The following ELOVL5 variants were observed in gnomAD, a reference collection of about 807,000 sequenced individuals.
ELOVL5 encodes the protein very long chain fatty acid elongase 5.
In ELOVL5, 8 loss-of-function variants were observed where a neutral mutation model predicts 38.6. That is an observed-to-expected ratio of 0.21 (90% CI 0.12 to 0.37). ELOVL5 has a LOEUF of 0.37. Ranked by LOEUF, ELOVL5 falls within the 10% of genes least tolerant of loss-of-function variation. ELOVL5 has a pLI of 1.00. For synonymous variants in ELOVL5, 127 were observed against 133.7 expected (o/e 0.95, Z 0.34); for missense variants, 280 against 367.8 (o/e 0.76, Z 1.95).
chr6:53,323,603 A>G (rs552072168), intron 1 of ELOVL5, among the ~76,000 whole-genome samples: 2 of 59,816 alleles, frequency 3.3e-5, no homozygotes, highest in South Asian at 5.7e-4. Flanking sequence ...TTTTTTTGAG[A>G]CGGAGTTTTG....
intron 1 of ELOVL5, among the ~76,000 whole-genome samples, chr6:53,302,564 C>A (rs1007220810): frequency 1.3e-5 from 2 of 152,048 alleles, no homozygotes; most frequent in African/African-American, 4.8e-5. Context: ...GAGAGAGTGA[C>A]AAAGCTGCCC....
chr6:53,268,879 CT>C lies in ELOVL5; in HGVS notation c.*247del. Reference sequence around the variant, plus strand: ...AATAAGGCAACAGCAGTGTTGTATACTATAATAATACTCCCTTTCCACAGTC... The same window carrying C: ...AATAAGGCAACAGCAGTGTTGTATACATAATAATACTCCCTTTCCACAGTC... On this transcript the variant is annotated 3_prime_UTR_variant, in exon 8 of 8. Coordinates refer to ENST00000304434, the MANE Select transcript of ELOVL5 (RefSeq NM_021814.5). 1 of 368,984 alleles carries C rather than the reference CT, an allele frequency of 2.7e-6. No individual in the cohort carries two copies. Among genetic ancestry groups the C allele is most frequent in the Non-Finnish European group, 4.9e-6 (1 of 204,862 alleles). 22.9% of individuals were successfully genotyped at this position (368,984 alleles called of 1,614,324 possible).
intron 1 of ELOVL5, among the ~76,000 whole-genome samples, chr6:53,345,137 T>C (rs1414381535): frequency 2.6e-5 from 4 of 152,180 alleles, no homozygotes; most frequent in African/African-American, 9.7e-5. Flanking sequence ...TCAATCACCT[T>C]AAGGTAAAGG....
chr6:53,304,011 T>C (rs1323509795), intron 1 of ELOVL5, among the ~76,000 whole-genome samples: 1 of 152,236 alleles, frequency 6.6e-6, no homozygotes, highest in African/African-American at 2.4e-5. Flanking sequence ...TCATTTAGTA[T>C]ACAGCAACTT....
intron 1 of ELOVL5, 51 bp from the exon 2 acceptor site, chr6:53,295,758 A>T (rs1273227665): frequency 8.7e-7 from 1 of 1,146,314 alleles, no homozygotes; most frequent in African/African-American, 1.6e-5. Context: ...AATGTTTTTT[A>T]TACAGTATTT....
intron 2 of ELOVL5, among the ~76,000 whole-genome samples, chr6:53,292,742 G>A (rs1267957701): frequency 6.6e-6 from 1 of 152,226 alleles, no homozygotes; most frequent in Admixed American, 6.5e-5. Context: ...AGTGAGCTGA[G>A]ATCGTACCAC....
intron 1 of ELOVL5, among the ~76,000 whole-genome samples, chr6:53,321,139 G>A (rs1386240113): frequency 6.6e-6 from 1 of 152,206 alleles, no homozygotes; most frequent in African/African-American, 2.4e-5. Flanking sequence ...TACGTAAGAT[G>A]TTCTGTTGGG....
chr6:53,292,106 T>C (rs1211218451), intron 2 of ELOVL5, 143 bp from the exon 3 acceptor site: 11 of 511,018 alleles, frequency 2.2e-5, no homozygotes, highest in East Asian at 9.3e-5. Flanking sequence ...AGAGGAGGCA[T>C]GGATTTTCAA....
At chr6:53,305,602 G>A (rs34101263) in intron 1 of ELOVL5, among the ~76,000 whole-genome samples, 48,899 of 146,542 alleles carry the variant, frequency 0.33, 8,662 homozygotes, top group African/African-American at 0.46. Context: ...CATCTCAGAC[G>A]ATGGGCGGCC....
chr6:53,300,739 G>A (rs1002472426), intron 1 of ELOVL5, among the ~76,000 whole-genome samples: 17 of 152,132 alleles, frequency 1.1e-4, no homozygotes, highest in African/African-American at 3.4e-4. Flanking sequence ...CCTCCACTCC[G>A]TCTGGTGCCC....
At chr6:53,292,757 C>T (rs539882602) in intron 2 of ELOVL5, among the ~76,000 whole-genome samples, 34 of 152,262 alleles carry the variant, frequency 2.2e-4, no homozygotes, top group African/African-American at 7.5e-4. Flanking sequence ...TACCACTGCA[C>T]CCCAGCGTGG....
In ELOVL5 at chr6:53,270,503, A is replaced by G. The variant is rs1304383412; in HGVS notation, c.756+90T>C. On this transcript the variant is annotated intron_variant, in intron 7 of 7. Coordinates refer to ENST00000304434, the MANE Select transcript of ELOVL5 (RefSeq NM_021814.5). ...TAGAGGCCAGAGCCTGTCACCCAGC[A>G]AGGGCTCCACATGCCCATTAAGTAA... The G allele has an allele frequency of 2.1e-6, 3 of 1,439,258 alleles. No individual in the cohort carries two copies. The African/African-American group carries it at 4.2e-5, about 20-fold the overall frequency. 89.2% of individuals were successfully genotyped at this position (1,439,258 alleles called of 1,614,324 possible).
chr6:53,323,605 G>A (rs1327569857), intron 1 of ELOVL5, among the ~76,000 whole-genome samples: 2 of 82,720 alleles, frequency 2.4e-5, no homozygotes. Flanking sequence ...TTTTTGAGAC[G>A]GAGTTTTGCT....
At chr6:53,275,056 A>C (rs576647147) in intron 5 of ELOVL5, 34 bp downstream of exon 5, 1 of 1,607,330 alleles carries the variant, frequency 6.2e-7, no homozygotes, top group South Asian at 1.1e-5. Context: ...CCCTGCTCAC[A>C]CCTGTTCCCC....
At chr6:53,338,073 C>T (rs1325409297) in intron 1 of ELOVL5, among the ~76,000 whole-genome samples, 1 of 152,002 alleles carries the variant, frequency 6.6e-6, no homozygotes, top group African/African-American at 2.4e-5. Context: ...AATAGATGGG[C>T]TAGAAATAAA....
chr6:53,281,759 C>T (rs926145015), intron 3 of ELOVL5, among the ~76,000 whole-genome samples: 30 of 151,682 alleles, frequency 2.0e-4, no homozygotes, highest in Non-Finnish European at 3.7e-4. Flanking sequence ...CATTTCAAAT[C>T]TTTCATGTCC....
intron 1 of ELOVL5, among the ~76,000 whole-genome samples, chr6:53,332,741 G>T (rs953963942): frequency 6.6e-6 from 1 of 152,214 alleles, no homozygotes; most frequent in African/African-American, 2.4e-5. Flanking sequence ...CTTTCCATTT[G>T]CCTACCATGT....
intron 1 of ELOVL5, among the ~76,000 whole-genome samples, chr6:53,339,475 C>A (rs1482524559): frequency 6.6e-6 from 1 of 152,160 alleles, no homozygotes; most frequent in Non-Finnish European, 1.5e-5. Context: ...GGCCTTGTAT[C>A]AAAATGACTT....
At chr6:53,281,026 G>T (rs1766332749) in intron 3 of ELOVL5, among the ~76,000 whole-genome samples, 1 of 152,052 alleles carries the variant, frequency 6.6e-6, no homozygotes, top group Non-Finnish European at 1.5e-5. Flanking sequence ...AACATCTCAG[G>T]AAACAAGGTC....
Sources: allele counts gnomAD v4.1 joint callset (sites outside exome capture counted in the v4.1 genomes callset), GRCh38; gene constraint gnomAD v4.1.1; transcripts MANE v1.5; gene names NCBI Gene and HGNC (gene_info 2026-07-23, HGNC 2026-07-21).